TET3: variants seen among roughly 807,000 people sequenced by gnomAD.
The protein encoded by TET3 is tet methylcytosine dioxygenase 3.
A neutral mutation model predicts 141.4 loss-of-function variants in TET3; 19 were observed. The observed-to-expected ratio is 0.13, with a 90% CI of 0.09 to 0.20. The LOEUF (loss-of-function observed/expected upper bound fraction) is 0.20, where lower values mean the gene tolerates loss of function less well. Ranked by LOEUF, TET3 falls within the 10% of genes least tolerant of loss-of-function variation. TET3 has a pLI of 1.00. For synonymous variants in TET3, 1,043 were observed against 980.9 expected, an observed-to-expected ratio of 1.06 and a Z score of -1.18; for missense variants, 1,874 against 2,356.9, an observed-to-expected ratio of 0.80 and a Z score of 4.24.
In TET3 at chr2:74,101,049, C is replaced by A; in HGVS notation, c.4261C>A (p.Pro1421Thr). The change falls in exon 12 of 12, where the codon CCT (proline) becomes ACT (threonine). Residue 1421 changes from proline (P) to threonine (T), a missense_variant. This residue lies in a region of TET3 where 602 missense variants were observed against 590.2 expected (regional missense o/e 1.02). Transcript: ENST00000409262. This position sits in a 1 kb window ranked among gnomAD's most constrained non-coding sequence, Gnocchi z 8.5. ...AGACGCTGGCAAGATGGGCAAGACA[C>A]CTCTGTCCGAGGTGTCTCAGAATGG... ...PRDAGKMGKTPLSEVSQNGGP... is the reference protein window; with the variant it reads ...PRDAGKMGKTTLSEVSQNGGP... 1.2e-6 allele frequency: 2 copies of A among 1,613,146 alleles called. No homozygotes were observed. The highest frequency in any genetic ancestry group is 8.5e-7 in the Non-Finnish European group (1 of 1,179,490).
intron 4 of TET3, among the ~76,000 whole-genome samples, chr2:74,061,634 A>C (rs1270028797): frequency 5.7e-5 from 8 of 141,350 alleles, no homozygotes; most frequent in Non-Finnish European, 1.2e-4. Flanking sequence ...GGTGGCTGTC[A>C]GGCAGAGACG....
rs1159588637 is a variant in TET3, at chr2:74,102,271, G to A, written c.*95G>A. The A allele has an allele frequency of 1.5e-6, 2 of 1,357,954 alleles. No individual in the cohort carries two copies. Among genetic ancestry groups the A allele is most frequent in the East Asian group, 2.7e-5 (1 of 37,220 alleles). The allele number at this position is 1,357,954 out of a possible 1,614,324, so 84.1% of individuals were successfully genotyped here. A position where few individuals can be genotyped will look rare whatever the true frequency, so the allele number is the denominator to read the frequency against. ...TACCTGGGGGCGGGTTGGGGGTGCA[G>A]AAGTCTTTTTATCTCTATATACATA... On this transcript the variant is annotated 3_prime_UTR_variant, in exon 12 of 12. Transcript: ENST00000409262.
Position 74,102,836 on chromosome 2 carries a change from T to G in TET3, c.*660T>G, listed in dbSNP as rs1472683129. On this transcript the variant is annotated 3_prime_UTR_variant, in exon 12 of 12. Transcript: ENST00000409262. ...ACAGCTTCTGTCCTCTCTGATAGGA[T>G]GGGAGAGTCTGCAGAAAACCATCTG... 3.3e-5 allele frequency: 5 copies of G among 152,120 alleles called. No homozygotes were observed. The highest frequency in any genetic ancestry group is 1.2e-4 in the African/African-American group (5 of 41,414). The allele number at this position is 152,120 out of a possible 1,614,324, so 9.4% of individuals were successfully genotyped here.
At chr2:74,129,659 A>G in the TET3 span, among the ~76,000 whole-genome samples, 1 of 151,984 alleles carries the variant, frequency 6.6e-6, no homozygotes, top group Admixed American at 6.6e-5. Flanking sequence ...AAAAAACCTT[A>G]AGGGCATTAC....
chr2:74,055,897 A>G (rs1360016006), intron 4 of TET3, among the ~76,000 whole-genome samples: 2 of 152,200 alleles, frequency 1.3e-5, no homozygotes, highest in Admixed American at 6.5e-5. Flanking sequence ...GAGACTCTGC[A>G]GAGTCCCGAT....
intron 7 of TET3, among the ~76,000 whole-genome samples, chr2:74,089,056 G>A (rs530859357): frequency 3.0e-4 from 39 of 128,992 alleles, no homozygotes; most frequent in African/African-American, 1.1e-3. Context: ...ACTCCAGCCT[G>A]AGCAACAGAA....
chr2:74,091,431 C>T (rs1004094657), intron 8 of TET3, among the ~76,000 whole-genome samples: 1 of 152,230 alleles, frequency 6.6e-6, no homozygotes, highest in Non-Finnish European at 1.5e-5. Context: ...GGCACTGTTA[C>T]CCCTCACTTT....
chr2:74,101,942 G>C lies in TET3; in HGVS notation c.5154G>C (p.Glu1718Asp). 6.2e-7 allele frequency: 1 copy of C among 1,612,876 alleles called. No homozygotes were observed. Among genetic ancestry groups the C allele is most frequent in the African/African-American group, 1.3e-5 (1 of 75,048 alleles). ...LWEAKMKQLAERARARQEEAA... is the reference protein window; with the variant it reads ...LWEAKMKQLADRARARQEEAA... ...AAGCCAAGATGAAGCAGCTGGCGGA[G>C]AGGGCACGGGCACGGCAGGAGGAGG... is the stretch of plus-strand genomic sequence containing the variant. The change falls in exon 12 of 12, where the codon GAG becomes GAC. Residue 1718 changes from glutamate to aspartate, a missense_variant. Transcript: ENST00000409262. The surrounding 1 kb of genome is among the most constrained non-coding windows in gnomAD (Gnocchi z 8.5).
Position 73,986,429 on chromosome 2 carries a change from C to T in TET3, c.26C>T (p.Ala9Val). The T allele has an allele frequency of 8.1e-7, 1 of 1,232,198 alleles. No individual in the cohort carries two copies. Among genetic ancestry groups the T allele is most frequent in the Non-Finnish European group, 1.0e-6 (1 of 988,062 alleles). The allele number at this position is 1,232,198 out of a possible 1,614,324, so 76.3% of individuals were successfully genotyped here. Residue 9 changes from alanine to valine, a missense_variant, in exon 2 of 12, where the codon GCC becomes GTC. Around this residue, in one of 10 missense-constraint regions of TET3, gnomAD observed 366 missense variants for 487.0 expected, o/e 0.75. Transcript: ENST00000409262. MSQFQVPL[A>V]VQPDLPGLYD... ...ATGAGCCAGTTTCAGGTGCCCCTGG[C>T]CGTCCAGCCGGACCTGCCAGGCCTT... is the stretch of plus-strand genomic sequence containing the variant.
Position 74,105,538 on chromosome 2 carries a change from A to G in TET3, c.*3362A>G. ...TTGGGTCTGGCTTTTAGCAGGGCCA[A>G]TGTTTCCCACACCCCGGCTTCATGG... On this transcript the variant is annotated 3_prime_UTR_variant, in exon 12 of 12. Transcript: ENST00000409262. The G allele has an allele frequency of 2.5e-6, 1 of 398,348 alleles. No homozygotes were observed. Among genetic ancestry groups the G allele is most frequent in the Non-Finnish European group, 4.4e-6 (1 of 225,648 alleles). 24.7% of individuals were successfully genotyped at this position (398,348 alleles called of 1,614,324 possible).
At chr2:74,040,381 A>T (rs908219120) in intron 3 of TET3, among the ~76,000 whole-genome samples, 3 of 152,206 alleles carry the variant, frequency 2.0e-5, no homozygotes, top group Admixed American at 1.3e-4. Context: ...GGGAGGAGAT[A>T]AAATTGAGAG....
chr2:74,124,318 C>T, the TET3 span, among the ~76,000 whole-genome samples: 2 of 147,870 alleles, frequency 1.4e-5, no homozygotes, highest in Admixed American at 6.7e-5. Context: ...GGTGGGGGGT[C>T]AGCCCCTGCC....
In TET3 at chr2:73,986,386, C is replaced by G; in HGVS notation, c.-18C>G. The stretch of plus-strand genomic sequence containing the variant: ...GTGGTTCTGCCCCAGCACCTATGAC[C>G]CCACCTCTGGCAGCATCATGAGCCA... On this transcript the variant is annotated 5_prime_UTR_variant, in exon 2 of 12. Transcript: ENST00000409262. 8.1e-7 allele frequency: 1 copy of G among 1,232,154 alleles called. No homozygotes were observed. The highest frequency in any genetic ancestry group is 1.5e-5 in the African/African-American group (1 of 64,534). 76.3% of individuals were successfully genotyped at this position (1,232,154 alleles called of 1,614,324 possible). A position where few individuals can be genotyped will look rare whatever the true frequency, so the allele number is the denominator to read the frequency against.
chr2:74,058,030 T>C (rs960930289), intron 4 of TET3, among the ~76,000 whole-genome samples: 1 of 152,222 alleles, frequency 6.6e-6, no homozygotes, highest in Non-Finnish European at 1.5e-5. Flanking sequence ...AAACAGTCGC[T>C]ATCAAATAAA....
intron 8 of TET3, among the ~76,000 whole-genome samples, chr2:74,090,636 A>T (rs926530262): frequency 6.6e-6 from 1 of 151,836 alleles, no homozygotes; most frequent in Non-Finnish European, 1.5e-5. Flanking sequence ...CCTTACCCAG[A>T]CCCCTGCCCT....
chr2:74,009,426 TG>T (rs1177528638), intron 3 of TET3, among the ~76,000 whole-genome samples: 6 of 152,228 alleles, frequency 3.9e-5, no homozygotes, highest in African/African-American at 1.4e-4. Flanking sequence ...AGGCTCAGGC[TG>T]GGGTACAGAG....
At position 73,984,949 on chromosome 2, in the gene TET3, C is replaced by T. The variant is rs1420363149; in HGVS notation, c.-633C>T. Among the ~76,000 whole-genome samples, 1 of 146,770 alleles carries T rather than the reference C, an allele frequency of 6.8e-6. No homozygotes were observed. The highest frequency in any genetic ancestry group is 1.5e-5 in the Non-Finnish European group (1 of 65,886). ...CCTTCATTGCTGCTGCTGCTGCCGC[C>T]GCGGCCGCCGCTGCCTCTTCCTTCC... is the stretch of plus-strand genomic sequence containing the variant. On this transcript the variant is annotated 5_prime_UTR_variant, in exon 1 of 12. Transcript: ENST00000409262. The surrounding 1 kb of genome is among the most constrained non-coding windows in gnomAD (Gnocchi z 5.6).
In TET3 at chr2:74,048,317, G is replaced by C. The variant is rs1306737328; in HGVS notation, c.2400G>C (p.Glu800Asp). Residue 800 changes from glutamate to aspartate, a missense_variant, in exon 4 of 12, where the codon GAG (glutamate) becomes GAC (aspartate). Around this residue, in one of 10 missense-constraint regions of TET3, gnomAD observed 83 missense variants for 107.0 expected, o/e 0.78. Transcript: ENST00000409262. ...CACCCACCCTCAGTGGCTTCTTGGA[G>C]TCACCTCTTAAGTACCTGGACACAC... ...PLTPTLSGFL[E>D]SPLKYLDTPT... is the part of the protein sequence containing the mutation. The C allele has an allele frequency of 1.9e-6, 3 of 1,613,850 alleles. No homozygotes were observed. In the South Asian group the frequency reaches 3.3e-5, roughly 18 times the overall value.
At chr2:73,996,750 C>A (rs938836477) in intron 2 of TET3, among the ~76,000 whole-genome samples, 3 of 152,216 alleles carry the variant, frequency 2.0e-5, no homozygotes, top group Non-Finnish European at 4.4e-5. Flanking sequence ...CTCAGGTGAT[C>A]TGCCTGCCTC....
Sources: gnomAD v4.1 joint callset for allele counts (sites outside exome capture counted in the v4.1 genomes callset) on GRCh38, gnomAD v4.1.1 for gene constraint, gnomAD v4.1.1 regional missense constraint, Gnocchi (gnomAD v3.1) non-coding constraint, MANE v1.5 for transcripts, NCBI Gene and HGNC (gene_info 2026-07-23, HGNC 2026-07-21) for gene names.